The following RAB2B variants were observed in gnomAD, a reference collection of about 807,000 sequenced individuals.
RAB2B encodes ras-related protein Rab-2B.
In RAB2B, 20 loss-of-function variants were observed where a neutral mutation model predicts 29.8. The observed-to-expected ratio is 0.67, with a 90% CI of 0.47 to 0.97. The LOEUF (loss-of-function observed/expected upper bound fraction) is 0.97, where lower values mean the gene tolerates loss of function less well. Among genes scored for constraint, RAB2B ranks in the 50% least tolerant of loss-of-function variants. RAB2B has a pLI of 0.00. For missense variants in RAB2B, 218 were observed against 272.0 expected (o/e 0.80, Z 1.40); for synonymous variants, 93 against 91.7 (o/e 1.01, Z -0.08).
At position 21,459,680 on chromosome 14, in the gene RAB2B, A is replaced by G. The variant is rs1890493732; in HGVS notation, c.*1516T>C. On this transcript the variant is annotated 3_prime_UTR_variant, in exon 8 of 8. Transcript: ENST00000397762. ...AGACATATGAATAACCAACATATGA[A>G]AACTAAGGAATATTGTGTTAATAAC... The G allele has an allele frequency of 6.5e-6, 1 of 152,902 alleles. No individual in the cohort carries two copies. Among genetic ancestry groups the G allele is most frequent in the African/African-American group, 2.4e-5 (1 of 41,466 alleles). The allele number at this position is 152,902 out of a possible 1,614,324, so 9.5% of individuals were successfully genotyped here.
At chr14:21,461,809 A>G (rs969205987) in intron 7 of RAB2B, among the ~76,000 whole-genome samples, 10 of 152,062 alleles carry the variant, frequency 6.6e-5, no homozygotes, top group Non-Finnish European at 8.8e-5. Flanking sequence ...GCTTCAAGCA[A>G]TCTCCCCAGC....
At position 21,474,930 on chromosome 14, in the gene RAB2B, C is replaced by T. The variant is rs1890911004; in HGVS notation, c.123G>A (p.Val41=). Residue 41 remains valine, a synonymous_variant, in exon 3 of 8, where the codon GTG becomes GTA. Coordinates refer to ENST00000397762, the MANE Select transcript of RAB2B (RefSeq NM_032846.4). ...FQPVHDLTIG[V]EFGARMVNID... is the part of the protein sequence containing the mutation. ...TGTTGACCATACGAGCTCCAAACTC[C>T]ACACCTGTCGGTAAAGACCGAGAGA... The T allele has an allele frequency of 6.2e-7, 1 of 1,613,874 alleles. No individual in the cohort carries two copies. The highest frequency in any genetic ancestry group is 8.5e-7 in the Non-Finnish European group (1 of 1,179,794).
intron 3 of RAB2B, among the ~76,000 whole-genome samples, chr14:21,469,581 C>CT (rs1197545621): frequency 1.3e-5 from 2 of 151,440 alleles, no homozygotes; most frequent in East Asian, 3.9e-4. Context: ...TGGACTAGTT[C>CT]TTTTTTTTTC....
chr14:21,466,372 A>G lies in RAB2B; in HGVS notation c.362+1985T>C, dbSNP rs530609568. 3.9e-5 allele frequency among the ~76,000 whole-genome samples: 6 copies of G among 152,360 alleles called. 1 individual carries two copies. The East Asian group carries it at 1.2e-3, about 29-fold the overall frequency. On this transcript the variant is annotated intron_variant, in intron 5 of 7. Transcript: ENST00000397762. ...CTTGGTGGCACATGCCTGTAATCCCAGCTACTCGGGAGACTGAGGCAGGAG... is the reference window on the plus strand; with the variant it reads ...CTTGGTGGCACATGCCTGTAATCCCGGCTACTCGGGAGACTGAGGCAGGAG...
intron 1 of RAB2B, 63 bp downstream of exon 1, chr14:21,476,764 C>T: frequency 6.2e-7 from 1 of 1,603,184 alleles, no homozygotes; most frequent in Non-Finnish European, 8.5e-7. Context: ...CCCGCCCCCG[C>T]CACCCAATTT....
chr14:21,462,769 C>T (rs780846729), intron 6 of RAB2B, among the ~76,000 whole-genome samples: 9 of 146,392 alleles, frequency 6.1e-5, no homozygotes, highest in Non-Finnish European at 1.3e-4. Context: ...AACCCAGGAG[C>T]GCAGGTTGCA....
intron 3 of RAB2B, among the ~76,000 whole-genome samples, chr14:21,469,041 C>T (rs1413346252): frequency 1.3e-5 from 2 of 149,758 alleles, no homozygotes. Flanking sequence ...TCACTAAATA[C>T]CTGTGGCACC....
intron 2 of RAB2B, chr14:21,476,313 A>C (rs1890961557): frequency 5.4e-6 from 3 of 560,598 alleles, no homozygotes. Flanking sequence ...TATACCTCAC[A>C]CTCTAAAAAG....
rs906670887 is a variant in RAB2B, at chr14:21,476,908, T to C, written c.-36A>G. On this transcript the variant is annotated 5_prime_UTR_variant, in exon 1 of 8. Transcript: ENST00000397762. ...CCTCTGGGTTCCGGGTCCGCCCGAC[T>C]TCTATAGCCACTTACCTCCGACCTC... 13 of 1,611,200 alleles carry C rather than the reference T, an allele frequency of 8.1e-6. No individual in the cohort carries two copies. The highest frequency in any genetic ancestry group is 1.1e-5 in the Non-Finnish European group (13 of 1,178,726).
intron 5 of RAB2B, among the ~76,000 whole-genome samples, chr14:21,465,394 A>G (rs1224722341): frequency 6.6e-6 from 1 of 152,240 alleles, no homozygotes; most frequent in East Asian, 1.9e-4. Flanking sequence ...AGTAAATGGC[A>G]TAAGCCAAAA....
intron 5 of RAB2B, 147 bp from the exon 6 acceptor site, chr14:21,463,914 A>G: frequency 1.7e-6 from 1 of 594,498 alleles, no homozygotes; most frequent in Non-Finnish European, 3.0e-6. Context: ...ATACAGAGTT[A>G]CTGATTTTTG....
chr14:21,476,407 C>A, intron 2 of RAB2B, 121 bp downstream of exon 2: 1 of 982,530 alleles, frequency 1.0e-6, no homozygotes, highest in Non-Finnish European at 1.6e-6. Flanking sequence ...TAAGTTTGGA[C>A]TAGTTTAAAG....
In RAB2B at chr14:21,462,346, T is replaced by G. The variant is rs1890577143; in HGVS notation, c.543+4A>C. 2 of 1,612,692 alleles carry G rather than the reference T, an allele frequency of 1.2e-6. No homozygotes were observed. The highest frequency in any genetic ancestry group is 1.7e-6 in the Non-Finnish European group (2 of 1,179,498). ...TAACTGCCAGCACTTCTACCCTTTC[T>G]TACCTCATTGTGGACATCAAATAAA... On this transcript the variant is annotated splice_donor_region_variant and intron_variant, in intron 7 of 7. Transcript: ENST00000397762.
chr14:21,464,167 C>T (rs1303988236), intron 5 of RAB2B, among the ~76,000 whole-genome samples: 6 of 151,716 alleles, frequency 4.0e-5, no homozygotes, highest in Admixed American at 1.3e-4. Flanking sequence ...TTTGGGATGC[C>T]GAGGCAGGTG....
intron 6 of RAB2B, among the ~76,000 whole-genome samples, 162 bp from the exon 7 acceptor site, chr14:21,462,580 C>T (rs1890585594): frequency 6.6e-6 from 1 of 152,038 alleles, no homozygotes; most frequent in South Asian, 2.1e-4. Flanking sequence ...TGGCTCATGC[C>T]TGTAATCCCA....
intron 1 of RAB2B, 104 bp downstream of exon 1, chr14:21,476,723 C>G: frequency 6.3e-7 from 1 of 1,592,260 alleles, no homozygotes. Context: ...CCGCCCCGCC[C>G]GTCTCGAATC....
At chr14:21,463,842 T>G in intron 5 of RAB2B, 75 bp from the exon 6 acceptor site, 1 of 995,656 alleles carries the variant, frequency 1.0e-6, no homozygotes, top group Non-Finnish European at 1.5e-6. Context: ...TCTAAAAGAA[T>G]TCCGTCGTGG....
chr14:21,471,546 A>G (rs1890814361), intron 3 of RAB2B, among the ~76,000 whole-genome samples: 1 of 145,368 alleles, frequency 6.9e-6, no homozygotes, highest in Non-Finnish European at 1.5e-5. Context: ...TGAGCCGGGG[A>G]GGTTGAGGGT....
chr14:21,461,899 T>C (rs1890564752), intron 7 of RAB2B, among the ~76,000 whole-genome samples: 1 of 152,198 alleles, frequency 6.6e-6, no homozygotes, highest in Non-Finnish European at 1.5e-5. Context: ...GACAATGTTA[T>C]ACTTAAATGT....
Sources: gnomAD v4.1 joint callset for allele counts (sites outside exome capture counted in the v4.1 genomes callset) on GRCh38, gnomAD v4.1.1 for gene constraint, MANE v1.5 for transcripts, NCBI Gene and HGNC (gene_info 2026-07-23, HGNC 2026-07-21) for gene names.